The following IGF2R variants were observed in gnomAD, a reference collection of about 807,000 sequenced individuals.
IGF2R encodes cation-independent mannose-6-phosphate receptor.
Under a neutral mutation model 270.6 loss-of-function variants are expected in IGF2R, and 91 were observed. That is an observed-to-expected ratio of 0.34 (90% CI 0.28 to 0.40). IGF2R has a LOEUF of 0.40. Ranked by LOEUF, IGF2R falls within the 10% of genes least tolerant of loss-of-function variation. IGF2R has a pLI of 1.00. For missense variants in IGF2R, 2,805 were observed against 3,188.3 expected (o/e 0.88, Z 2.90); for synonymous variants, 1,316 against 1,258.9 (o/e 1.05, Z -0.96).
chr6:160,104,403 G>A (rs2114746243), intron 47 of IGF2R, among the ~76,000 whole-genome samples: 2 of 151,820 alleles, frequency 1.3e-5, no homozygotes, highest in Admixed American at 1.3e-4. Flanking sequence ...CTTCTGCTTG[G>A]TCCCACCCTT....
chr6:160,076,904 C>T (rs571851087), intron 36 of IGF2R, among the ~76,000 whole-genome samples: 4 of 152,316 alleles, frequency 2.6e-5, no homozygotes, highest in East Asian at 1.9e-4. Flanking sequence ...GCTCATCTGA[C>T]CCCTAGGAGT....
Position 160,102,112 on chromosome 6 carries a change from C to A in IGF2R, c.6843-407C>A, listed in dbSNP as rs547519043. ...CATGGTGGGCTGCGCTCACTGCTTCCAGAAGAAATTCTGAGAGGAAAGAGC... is the reference window on the plus strand; with the variant it reads ...CATGGTGGGCTGCGCTCACTGCTTCAAGAAGAAATTCTGAGAGGAAAGAGC... On this transcript the variant is annotated intron_variant, in intron 45 of 47. Transcript: ENST00000356956. The surrounding 1 kb of genome is among the most constrained non-coding windows in gnomAD (Gnocchi z 4.5). Among the ~76,000 whole-genome samples the A allele has an allele frequency of 3.9e-5, 6 of 152,328 alleles. No individual in the cohort carries two copies. Among genetic ancestry groups the A allele is most frequent in the African/African-American group, 1.4e-4 (6 of 41,576 alleles).
At position 160,046,536 on chromosome 6, in the gene IGF2R, G is replaced by C. The variant is rs751420601; in HGVS notation, c.1942G>C (p.Gly648Arg). ...FDLSPLTKKN[G>R]AYKVETKKYD... ...CTTATCACCTCTCACAAAGAAAAAT[G>C]GTGCCTATAAAGTTGAGACAAAGAA... is the stretch of plus-strand genomic sequence containing the variant. The change falls in exon 15 of 48, where the codon GGT (glycine) becomes CGT (arginine). Residue 648 changes from glycine (G) to arginine (R), a missense_variant. Gly to Arg is a moderately radical substitution (Grantham distance 125). Transcript: ENST00000356956. 3.1e-6 allele frequency: 5 copies of C among 1,612,986 alleles called. No homozygotes were observed. The highest frequency in any genetic ancestry group is 4.2e-6 in the Non-Finnish European group (5 of 1,179,744).
intron 39 of IGF2R, among the ~76,000 whole-genome samples, chr6:160,081,619 G>C (rs565656011): frequency 6.6e-6 from 1 of 152,212 alleles, no homozygotes; most frequent in Non-Finnish European, 1.5e-5. Flanking sequence ...AGGCCAGGGC[G>C]TGTTTCATCC....
chr6:160,097,264 G>T (rs1195837374), intron 45 of IGF2R, among the ~76,000 whole-genome samples: 1 of 152,192 alleles, frequency 6.6e-6, no homozygotes, highest in Non-Finnish European at 1.5e-5. Flanking sequence ...CATGTTGTCA[G>T]TTGCTTTCCT....
chr6:160,099,095 G>A (rs1441247228), intron 45 of IGF2R, among the ~76,000 whole-genome samples: 13 of 152,220 alleles, frequency 8.5e-5, no homozygotes. Context: ...GGAAGGGGCA[G>A]GCTATGTGCC....
At chr6:160,082,307 CTTA>C (rs1779000310) in intron 39 of IGF2R, among the ~76,000 whole-genome samples, 1 of 151,406 alleles carries the variant, frequency 6.6e-6, no homozygotes, top group African/African-American at 2.4e-5. Context: ...ACATTATTAT[CTTA>C]AATTTTTTTT....
chr6:160,073,899 C>T lies in IGF2R; in HGVS notation c.5090C>T (p.Pro1697Leu). 1 of 1,614,194 alleles carries T rather than the reference C, an allele frequency of 6.2e-7. No homozygotes were observed. Among genetic ancestry groups the T allele is most frequent in the South Asian group, 1.1e-5 (1 of 91,076 alleles). ...NPDFYINICQ[P>L]LNPMHGVPCP... Reference sequence around the variant, plus strand: ...GATTTCTACATCAATATTTGTCAGCCACTAAATCCCATGCACGGAGTGCCC... The same window carrying T: ...GATTTCTACATCAATATTTGTCAGCTACTAAATCCCATGCACGGAGTGCCC... The change falls in exon 35 of 48, where the codon CCA (proline) becomes CTA (leucine). Residue 1697 changes from proline to leucine, a missense_variant. Transcript: ENST00000356956.
Position 160,072,769 on chromosome 6 carries a change from C to G in IGF2R, c.4575C>G (p.His1525Gln). Reference protein sequence around the residue: ...DCQVTNPSTGHLFDLSSLSGR... With the variant: ...DCQVTNPSTGQLFDLSSLSGR... ...CCATCTTCTTCCACCCTACAGGACA[C>G]CTGTTTGATCTGAGCTCCTTAAGTG... The change falls in exon 33 of 48, where the codon CAC becomes CAG. Residue 1525 changes from histidine to glutamine, a missense_variant. This residue lies in a region of IGF2R where 1,851 missense variants were observed against 2,207.2 expected (regional missense o/e 0.84). Transcript: ENST00000356956. 1.9e-6 allele frequency: 3 copies of G among 1,614,244 alleles called. No homozygotes were observed. The highest frequency in any genetic ancestry group is 2.5e-6 in the Non-Finnish European group (3 of 1,180,038).
intron 35 of IGF2R, among the ~76,000 whole-genome samples, chr6:160,075,049 G>A (rs1778825757): frequency 6.6e-6 from 1 of 152,198 alleles, no homozygotes; most frequent in South Asian, 2.1e-4. Context: ...CCACAGTGGT[G>A]AATGAAGAGC....
chr6:160,047,352 C>T lies in IGF2R; in HGVS notation c.2229+16C>T. Reference sequence around the variant, plus strand: ...TGAATATCAGGTAGGAATGTTTGTTCCTCATCGCGCTCCCTGAGGATACTC... The same window carrying T: ...TGAATATCAGGTAGGAATGTTTGTTTCTCATCGCGCTCCCTGAGGATACTC... On this transcript the variant is annotated intron_variant, in intron 16 of 47. Transcript: ENST00000356956. 1.9e-6 allele frequency: 3 copies of T among 1,554,110 alleles called. No individual in the cohort carries two copies. The highest frequency in any genetic ancestry group is 1.2e-5 in the South Asian group (1 of 82,494).
Position 160,024,713 on chromosome 6 carries a change from CT to C in IGF2R, c.646+12del. On this transcript the variant is annotated intron_variant, in intron 5 of 47. Coordinates refer to ENST00000356956, the MANE Select transcript of IGF2R (RefSeq NM_000876.4). Reference sequence around the variant, plus strand: ...TGTTTGTAGAGACATAGGTATGAATCTTTGTGGGGCTGAGGGGGTGGTGGTG... The same window carrying C: ...TGTTTGTAGAGACATAGGTATGAATCTTGTGGGGCTGAGGGGGTGGTGGTG... The C allele has an allele frequency of 6.2e-7, 1 of 1,613,736 alleles. No homozygotes were observed. Among genetic ancestry groups the C allele is most frequent in the Non-Finnish European group, 8.5e-7 (1 of 1,179,746 alleles).
intron 31 of IGF2R, among the ~76,000 whole-genome samples, chr6:160,070,389 A>AGAAG (rs1417687173): frequency 6.6e-6 from 1 of 152,162 alleles, no homozygotes; most frequent in South Asian, 2.1e-4. Flanking sequence ...GGGAAGCACG[A>AGAAG]GAAGGTTGGC....
rs774924314 is a variant in IGF2R, at chr6:160,079,775, C to A, written c.5674C>A (p.Arg1892Ser). The A allele has an allele frequency of 1.6e-5, 23 of 1,447,900 alleles. No homozygotes were observed. Among genetic ancestry groups the A allele is most frequent in the Non-Finnish European group, 1.3e-5 (14 of 1,095,614 alleles). The allele number at this position is 1,447,900 out of a possible 1,614,324, so 89.7% of individuals were successfully genotyped here. ...CGTTTTAAGTTACGTGAATGGTGATCGTTGCCCTCCAGGTAAATATTTGCA... is the reference window on the plus strand; with the variant it reads ...CGTTTTAAGTTACGTGAATGGTGATAGTTGCCCTCCAGGTAAATATTTGCA... ...AVVLSYVNGD[R>S]CPPETDDGVP... The change falls in exon 38 of 48, where the codon CGT (arginine) becomes AGT (serine). Residue 1892 changes from arginine (R) to serine (S), a missense_variant. Transcript: ENST00000356956.
chr6:160,056,824 C>T (rs1314861020), intron 20 of IGF2R, among the ~76,000 whole-genome samples: 1 of 152,168 alleles, frequency 6.6e-6, no homozygotes, highest in African/African-American at 2.4e-5. Context: ...TCTGGGGCTT[C>T]TGCACCACCG....
At chr6:160,061,002 T>C (rs1778427329) in intron 23 of IGF2R, among the ~76,000 whole-genome samples, 1 of 152,170 alleles carries the variant, frequency 6.6e-6, no homozygotes, top group South Asian at 2.1e-4. Context: ...GGAAACACAT[T>C]TCACATGTAC....
In IGF2R at chr6:160,104,784, C is replaced by T; in HGVS notation, c.7176C>T (p.Thr2392=). 2 of 1,614,154 alleles carry T rather than the reference C, an allele frequency of 1.2e-6. No homozygotes were observed. Among genetic ancestry groups the T allele is most frequent in the Non-Finnish European group, 1.7e-6 (2 of 1,180,032 alleles). Residue 2392 remains threonine, a synonymous_variant, in exon 48 of 48, where the codon ACC becomes ACT. Coordinates refer to ENST00000356956, the MANE Select transcript of IGF2R (RefSeq NM_000876.4). ...GKEGQENGHI[T]TKSVKALSSL... ...AAGGGCAGGAGAACGGCCATATTACCACCAAGTCAGTGAAAGCCCTCAGCT... is the reference window on the plus strand; with the variant it reads ...AAGGGCAGGAGAACGGCCATATTACTACCAAGTCAGTGAAAGCCCTCAGCT...
chr6:160,073,010 G>A, intron 33 of IGF2R, 126 bp downstream of exon 33: 3 of 1,418,716 alleles, frequency 2.1e-6, no homozygotes, highest in Non-Finnish European at 2.9e-6. Flanking sequence ...TTTGTCTCCT[G>A]CAGCAGTCAC....
intron 29 of IGF2R, among the ~76,000 whole-genome samples, chr6:160,065,776 A>ATGTGTGTGTGTGTG (rs1366588708): frequency 9.1e-6 from 1 of 109,966 alleles, no homozygotes; most frequent in Non-Finnish European, 1.8e-5. Context: ...TCCTAGAGAT[A>ATGTGTGTGTGTGTG]TGTGTATGTG....
Sources: allele counts gnomAD v4.1 joint callset (sites outside exome capture counted in the v4.1 genomes callset), GRCh38; gene constraint gnomAD v4.1.1; regional missense constraint gnomAD v4.1.1; non-coding constraint Gnocchi (gnomAD v3.1); transcripts MANE v1.5; gene names NCBI Gene and HGNC (gene_info 2026-07-23, HGNC 2026-07-21).